Variants in MORN1 observed in about 807,000 individuals in gnomAD.
MORN1 encodes MORN repeat-containing protein 1.
MORN1 carries 67 observed loss-of-function variants against 61.9 expected under a neutral mutation model. The ratio of observed to expected loss-of-function variants is 1.08; its 90% CI spans 0.89 to 1.33. MORN1 has a LOEUF of 1.33. MORN1 is among the 40% of genes most tolerant of loss of function. The pLI is 0.00. For missense variants in MORN1, 752 were observed against 691.2 expected, an observed-to-expected ratio of 1.09 and a Z score of -0.99; for synonymous variants, 301 against 292.0, an observed-to-expected ratio of 1.03 and a Z score of -0.31.
intron 7 of MORN1, among the ~76,000 whole-genome samples, chr1:2,374,134 T>C (rs1172273049): frequency 2.0e-5 from 3 of 152,170 alleles, no homozygotes; most frequent in African/African-American, 4.8e-5. Context: ...CTGGTCCTTC[T>C]GTGAGCCGAG....
At chr1:2,390,029 C>G (rs1459420941) in intron 1 of MORN1, 33 bp from the exon 2 acceptor site, 2 of 1,579,498 alleles carry the variant, frequency 1.3e-6, no homozygotes, top group African/African-American at 1.3e-5. Context: ...CAGGTAAGCA[C>G]AGACACAGAG....
intron 1 of MORN1, 41 bp from the exon 2 acceptor site, chr1:2,390,037 G>A (rs1642607456): frequency 1.3e-6 from 2 of 1,551,902 alleles, no homozygotes; most frequent in Non-Finnish European, 1.8e-6. Context: ...CACAGACACA[G>A]AGATGAGGGA....
chr1:2,358,406 G>A (rs1164050619), intron 9 of MORN1, among the ~76,000 whole-genome samples, 186 bp downstream of exon 9: 3 of 152,210 alleles, frequency 2.0e-5, no homozygotes, highest in Non-Finnish European at 2.9e-5. Flanking sequence ...GGCAAGAGGG[G>A]CCACAGCAGA....
intron 10 of MORN1, among the ~76,000 whole-genome samples, chr1:2,349,474 C>T (rs990273274): frequency 2.0e-5 from 3 of 152,190 alleles, no homozygotes; most frequent in Non-Finnish European, 4.4e-5. Context: ...TTTCCATTTT[C>T]ATCTACTGTT....
intron 7 of MORN1, among the ~76,000 whole-genome samples, chr1:2,373,660 G>A (rs1642172010): frequency 6.6e-6 from 1 of 152,306 alleles, no homozygotes; most frequent in African/African-American, 2.4e-5. Flanking sequence ...ATCCCCTGCA[G>A]GGTGCACTGT....
intron 2 of MORN1, 108 bp downstream of exon 2, chr1:2,389,817 C>T (rs973682142): frequency 1.1e-5 from 11 of 968,220 alleles, no homozygotes; most frequent in Non-Finnish European, 1.6e-5. Flanking sequence ...GTACAATGGG[C>T]TCGAAAGCTA....
Position 2,321,725 on chromosome 1 carries a change from A to G in MORN1, c.1298-146T>C, listed in dbSNP as rs1022255486. On this transcript the variant is annotated intron_variant, in intron 13 of 13. Coordinates refer to ENST00000378531, the MANE Select transcript of MORN1 (RefSeq NM_024848.3). Reference sequence around the variant, plus strand: ...CTGCCTGGGTTCTGGGATTCTTGGCACTGTAACCACAGGACTGGCCACCGG... The same window carrying G: ...CTGCCTGGGTTCTGGGATTCTTGGCGCTGTAACCACAGGACTGGCCACCGG... 6.9e-6 allele frequency: 8 copies of G among 1,163,238 alleles called. No homozygotes were observed. The Admixed American group carries it at 2.4e-4, about 35-fold the overall frequency. The allele number at this position is 1,163,238 out of a possible 1,614,324, so 72.1% of individuals were successfully genotyped here.
chr1:2,336,698 G>GC lies in MORN1; in HGVS notation c.1170+18dup, dbSNP rs1475194375. Reference sequence around the variant, plus strand: ...CTGAGTGATGTGGGGTGGCCTCCCCGCCCCCCGTGGGCACCCACCTTGTGG... The same window carrying GC: ...CTGAGTGATGTGGGGTGGCCTCCCCGCCCCCCCGTGGGCACCCACCTTGTGG... On this transcript the variant is annotated intron_variant, in intron 11 of 13. Coordinates refer to ENST00000378531, the MANE Select transcript of MORN1 (RefSeq NM_024848.3). 7.1e-6 allele frequency: 11 copies of GC among 1,545,494 alleles called. No homozygotes were observed. Among genetic ancestry groups the GC allele is most frequent in the Admixed American group, 1.9e-5 (1 of 52,822 alleles).
intron 10 of MORN1, among the ~76,000 whole-genome samples, chr1:2,346,472 G>A (rs759079423): frequency 6.6e-6 from 1 of 152,116 alleles, no homozygotes; most frequent in Non-Finnish European, 1.5e-5. Context: ...TGCAACCTCC[G>A]ACTCCCTGGT....
At chr1:2,359,892 A>G (rs896782182) in intron 8 of MORN1, among the ~76,000 whole-genome samples, 7 of 151,856 alleles carry the variant, frequency 4.6e-5, no homozygotes, top group African/African-American at 1.4e-4. Context: ...CAAAAAAAAA[A>G]AAAGGGAAAC....
intron 12 of MORN1, among the ~76,000 whole-genome samples, 155 bp from the exon 13 acceptor site, chr1:2,324,298 C>T (rs556318592): frequency 3.4e-4 from 52 of 152,270 alleles, no homozygotes; most frequent in Admixed American, 2.5e-3. Context: ...ATGGGCAGGA[C>T]GGGGAGAGTC....
In MORN1 at chr1:2,374,512, G is replaced by A. The variant is rs758666875; in HGVS notation, c.583C>T (p.His195Tyr). ...DVFSGLGSMAHCSGVTYYGLW... is the reference protein window; with the variant it reads ...DVFSGLGSMAYCSGVTYYGLW... Reference sequence around the variant, plus strand: ...CCATAATAGGTGACCCCTGAGCAGTGGGCCATGCTGCCCAGTCCACTGAAG... The same window carrying A: ...CCATAATAGGTGACCCCTGAGCAGTAGGCCATGCTGCCCAGTCCACTGAAG... The change falls in exon 7 of 14, where the codon CAC becomes TAC. Residue 195 changes from histidine to tyrosine, a missense_variant. Transcript: ENST00000378531. 2 of 1,603,834 alleles carry A rather than the reference G, an allele frequency of 1.2e-6. No individual in the cohort carries two copies. Among genetic ancestry groups the A allele is most frequent in the African/African-American group, 2.7e-5 (2 of 74,846 alleles).
At chr1:2,327,061 T>C (rs113792968) in intron 12 of MORN1, among the ~76,000 whole-genome samples, 2,653 of 125,816 alleles carry the variant, frequency 0.021, 87 homozygotes, top group African/African-American at 0.074. Context: ...GACACAGAAA[T>C]ACAGAAACAC....
intron 11 of MORN1, 76 bp from the exon 12 acceptor site, chr1:2,336,624 T>C (rs572446592): frequency 1.3e-6 from 2 of 1,590,606 alleles, no homozygotes; most frequent in East Asian, 2.3e-5. Context: ...CCAACCCCCC[T>C]GGGGCACACA....
intron 6 of MORN1, among the ~76,000 whole-genome samples, chr1:2,381,633 G>A (rs1343773109): frequency 1.3e-5 from 2 of 152,176 alleles, no homozygotes; most frequent in East Asian, 1.9e-4. Context: ...TAGGTCACGC[G>A]AAGGGTTTGG....
In MORN1 at chr1:2,384,866, G is replaced by A. The variant is rs556224531; in HGVS notation, c.537+112C>T. On this transcript the variant is annotated intron_variant, in intron 6 of 13. Transcript: ENST00000378531. ...CCCACACGGGATCAGGGAATCGCAG[G>A]GCCTGGCACATGGAGAAGCTGCCAG... 50 of 854,958 alleles carry A rather than the reference G, an allele frequency of 5.8e-5. No homozygotes were observed. In the South Asian group the frequency reaches 9.0e-4, roughly 15 times the overall value. 53.0% of individuals were successfully genotyped at this position (854,958 alleles called of 1,614,324 possible).
chr1:2,380,938 C>T (rs550573967), intron 6 of MORN1, among the ~76,000 whole-genome samples: 6 of 152,214 alleles, frequency 3.9e-5, no homozygotes, highest in Non-Finnish European at 7.3e-5. Flanking sequence ...GGACAGCTCT[C>T]GGGATGTGCG....
At chr1:2,342,887 T>TTTTATTTTA (rs1557873831) in intron 10 of MORN1, among the ~76,000 whole-genome samples, 144 of 113,294 alleles carry the variant, frequency 1.3e-3, no homozygotes, top group East Asian at 6.0e-3. Flanking sequence ...TTTTATTTTA[T>TTTTATTTTA]TTTATTTTAT....
At chr1:2,375,320 A>C (rs1373487396) in intron 6 of MORN1, 1 of 152,184 alleles carries the variant, frequency 6.6e-6, no homozygotes, top group African/African-American at 2.4e-5. Context: ...TTCCCAGGGG[A>C]ACCCCGAGGC....
Sources: allele counts gnomAD v4.1 joint callset (sites outside exome capture counted in the v4.1 genomes callset), GRCh38; gene constraint gnomAD v4.1.1; transcripts MANE v1.5; gene names NCBI Gene and HGNC (gene_info 2026-07-23, HGNC 2026-07-21).